MYO7B: variants seen among roughly 807,000 people sequenced by gnomAD.
The protein encoded by MYO7B is myosin VIIB.
MYO7B carries 212 observed loss-of-function variants against 259.7 expected under a neutral mutation model. That is an observed-to-expected ratio of 0.82 (90% confidence interval 0.73 to 0.91). MYO7B has a LOEUF of 0.91. MYO7B is among the 40% of genes least tolerant of loss of function. The pLI is 0.00. For missense variants in MYO7B, 2,732 were observed against 2,813.5 expected, an observed-to-expected ratio of 0.97 and a Z score of 0.66; for synonymous variants, 1,197 against 1,166.4, an observed-to-expected ratio of 1.03 and a Z score of -0.54.
intron 1 of MYO7B, among the ~76,000 whole-genome samples, chr2:127,549,557 C>T (rs1300620256): frequency 2.0e-5 from 3 of 152,180 alleles, no homozygotes; most frequent in Non-Finnish European, 4.4e-5. Flanking sequence ...GAATAGAAGA[C>T]TCGGTGTTTC....
In MYO7B at chr2:127,628,454, G is replaced by A. The variant is rs964241897; in HGVS notation, c.4543G>A (p.Ala1515Thr). ...TGTGTCACCCAGCAGTGTGGCCATC[G>A]CTGAGCTGGTGGCCCTGTTCCTGGA... is the stretch of plus-strand genomic sequence containing the variant. Reference protein sequence around the residue: ...EFVSPSSVAIAELVALFLEGL... With the variant: ...EFVSPSSVAITELVALFLEGL... The change falls in exon 34 of 48, where the codon GCT (alanine) becomes ACT (threonine). Residue 1515 changes from alanine (A) to threonine (T), a missense_variant. By Grantham distance (58) the Ala-to-Thr change is moderately conservative. Around this residue, in one of 3 missense-constraint regions of MYO7B, gnomAD observed 1,906 missense variants for 2,026.4 expected, o/e 0.94. Transcript: ENST00000409816. The surrounding 1 kb of genome is among the most constrained non-coding windows in gnomAD (Gnocchi z 4.8). 9 of 1,580,134 alleles carry A rather than the reference G, an allele frequency of 5.7e-6. No individual in the cohort carries two copies. Among genetic ancestry groups the A allele is most frequent in the Non-Finnish European group, 7.7e-6 (9 of 1,164,290 alleles).
chr2:127,631,433 C>T (rs894091517), intron 37 of MYO7B, 70 bp downstream of exon 37: 30 of 1,563,048 alleles, frequency 1.9e-5, no homozygotes, highest in Non-Finnish European at 2.5e-5. Context: ...CATCCTGGCC[C>T]TACAGCTGTG....
chr2:127,608,700 G>T lies in MYO7B; in HGVS notation c.2644-8G>T. On this transcript the variant is annotated splice_polypyrimidine_tract_variant and splice_region_variant and intron_variant, in intron 21 of 47. Coordinates refer to ENST00000409816, the MANE Select transcript of MYO7B (RefSeq NM_001393586.1). ...CCCCTGGGTAACCTTCCTCCACGGG[G>T]TATGCAGGCGCCGCTGGTCATCCCG... is the stretch of plus-strand genomic sequence containing the variant. The T allele has an allele frequency of 6.2e-7, 1 of 1,608,942 alleles. No homozygotes were observed. The highest frequency in any genetic ancestry group is 8.5e-7 in the Non-Finnish European group (1 of 1,177,012).
At chr2:127,550,095 A>T (rs2104817002) in intron 1 of MYO7B, among the ~76,000 whole-genome samples, 1 of 152,326 alleles carries the variant, frequency 6.6e-6, no homozygotes. Flanking sequence ...ACATCCCAGA[A>T]AAAGCTGTGA....
chr2:127,552,994 C>T (rs1693506879), intron 1 of MYO7B, among the ~76,000 whole-genome samples: 1 of 151,738 alleles, frequency 6.6e-6, no homozygotes, highest in Non-Finnish European at 1.5e-5. Context: ...CATTTCTCAG[C>T]ATTTCTCAGT....
chr2:127,619,994 G>A lies in MYO7B; in HGVS notation c.3399-346G>A, dbSNP rs184177760. Reference sequence around the variant, plus strand: ...CCTCAAGGCAGAGAGAGAAATGACTGTAATCACCGTGAGACTGGGGATCCC... The same window carrying A: ...CCTCAAGGCAGAGAGAGAAATGACTATAATCACCGTGAGACTGGGGATCCC... On this transcript the variant is annotated intron_variant, in intron 26 of 47. Transcript: ENST00000409816. The A allele has an allele frequency of 2.5e-3, 431 of 174,642 alleles. 2 individuals carry two copies. The highest frequency in any genetic ancestry group is 3.5e-3 in the Non-Finnish European group (287 of 82,882). The allele number at this position is 174,642 out of a possible 1,614,324, so 10.8% of individuals were successfully genotyped here. A position where few individuals can be genotyped will look rare whatever the true frequency, so the allele number is the denominator to read the frequency against.
chr2:127,582,260 T>C (rs752814384), intron 11 of MYO7B, 44 bp from the exon 12 acceptor site: 2 of 1,605,672 alleles, frequency 1.2e-6, no homozygotes, highest in East Asian at 4.5e-5. Context: ...AACCTCCGCC[T>C]GAGCCTCCAA....
chr2:127,564,257 C>A lies in MYO7B; in HGVS notation c.123C>A (p.Asp41Glu). Residue 41 changes from aspartate (D) to glutamate (E), a missense_variant, in exon 3 of 48, where the codon GAC (aspartate) becomes GAA (glutamate). Around this residue, in one of 3 missense-constraint regions of MYO7B, gnomAD observed 1,906 missense variants for 2,026.4 expected, o/e 0.94. Transcript: ENST00000409816. ...CAGGCAAAGTCTTGGTTGAAGATGA[C>A]GAGGGCAAGGTCAGTGTTCTGGGGT... ...AKPGKVLVED[D>E]EGKEHWIRAE... is the part of the protein sequence containing the mutation. 1 of 1,570,294 alleles carries A rather than the reference C, an allele frequency of 6.4e-7. No homozygotes were observed. The highest frequency in any genetic ancestry group is 1.3e-5 in the African/African-American group (1 of 74,154).
chr2:127,636,775 C>G lies in MYO7B; in HGVS notation c.6208-19C>G. On this transcript the variant is annotated intron_variant, in intron 46 of 47. Transcript: ENST00000409816. The surrounding 1 kb of genome is among the most constrained non-coding windows in gnomAD (Gnocchi z 4.5). ...CGTGCTCTGGAGGCGTCCGGCCCACCCACCCTCTCTGCCCCCAGGACCTGC... is the reference window on the plus strand; with the variant it reads ...CGTGCTCTGGAGGCGTCCGGCCCACGCACCCTCTCTGCCCCCAGGACCTGC... The G allele has an allele frequency of 1.2e-6, 2 of 1,612,928 alleles. No individual in the cohort carries two copies. The highest frequency in any genetic ancestry group is 1.7e-6 in the Non-Finnish European group (2 of 1,179,656).
intron 4 of MYO7B, among the ~76,000 whole-genome samples, chr2:127,566,152 T>C (rs140254038): frequency 7.9e-4 from 120 of 152,342 alleles, no homozygotes; most frequent in African/African-American, 2.7e-3. Flanking sequence ...TGTGGCTTAT[T>C]GTGCAGGCTC....
At position 127,623,287 on chromosome 2, in the gene MYO7B, C is replaced by T. The variant is rs1298758268; in HGVS notation, c.3731C>T (p.Thr1244Ile). The T allele has an allele frequency of 5.6e-6, 9 of 1,613,346 alleles. No homozygotes were observed. In the African/African-American group the frequency reaches 1.1e-4, roughly 19 times the overall value. Reference protein sequence around the residue: ...SLTVPVDSASTSREMCMHIAH... With the variant: ...SLTVPVDSASISREMCMHIAH... The stretch of plus-strand genomic sequence containing the variant: ...ACCGTCCCCGTGGACTCAGCCTCCA[C>T]ATCTCGGGAAATGTGCATGCACATC... Residue 1244 changes from threonine to isoleucine, a missense_variant, in exon 29 of 48, where the codon ACA becomes ATA. Around this residue, in one of 3 missense-constraint regions of MYO7B, gnomAD observed 1,906 missense variants for 2,026.4 expected, o/e 0.94. Transcript: ENST00000409816.
intron 15 of MYO7B, among the ~76,000 whole-genome samples, 199 bp from the exon 16 acceptor site, chr2:127,589,893 T>C (rs1039384534): frequency 7.1e-5 from 8 of 112,738 alleles, no homozygotes; most frequent in African/African-American, 2.5e-4. Flanking sequence ...GATAGGTGTG[T>C]GAGTGGATGG....
At chr2:127,617,487 G>GGTTT (rs1680614627) in intron 26 of MYO7B, among the ~76,000 whole-genome samples, 2 of 84,828 alleles carry the variant, frequency 2.4e-5, no homozygotes, top group African/African-American at 5.2e-5. Context: ...TTGTAACGGG[G>GGTTT]TTTTTTTTTT....
At chr2:127,625,956 T>C (rs1681088146) in intron 31 of MYO7B, 1 of 178,160 alleles carries the variant, frequency 5.6e-6, no homozygotes, top group Non-Finnish European at 1.2e-5. Flanking sequence ...TGTATGGACA[T>C]TCTAAACATT....
chr2:127,539,672 C>T lies in MYO7B; in HGVS notation c.-24+3841C>T, dbSNP rs1573597635. ...GAATGAATAAGGACTTCCTTGAGGG[C>T]TATTTCTTTTAAAAAAAAAAACTCC... is the stretch of plus-strand genomic sequence containing the variant. On this transcript the variant is annotated intron_variant, in intron 1 of 47. Transcript: ENST00000409816. This position sits in a 1 kb window ranked among gnomAD's most constrained non-coding sequence, Gnocchi z 4.0. 6.9e-6 allele frequency among the ~76,000 whole-genome samples: 1 copy of T among 144,064 alleles called. No individual in the cohort carries two copies. Among genetic ancestry groups the T allele is most frequent in the East Asian group, 2.0e-4 (1 of 4,934 alleles). The allele number at this position is 144,064 out of a possible 152,430, so 94.5% of individuals were successfully genotyped here. A position where few individuals can be genotyped will look rare whatever the true frequency, so the allele number is the denominator to read the frequency against.
chr2:127,591,494 C>T (rs1280907424), intron 16 of MYO7B, among the ~76,000 whole-genome samples: 1 of 152,212 alleles, frequency 6.6e-6, no homozygotes, highest in Non-Finnish European at 1.5e-5. Context: ...TGCCTCAGCA[C>T]CTCATCTTTA....
chr2:127,633,461 G>A, intron 40 of MYO7B, 98 bp downstream of exon 40: 3 of 1,231,722 alleles, frequency 2.4e-6, no homozygotes, highest in South Asian at 2.7e-5. Flanking sequence ...TAACCCCAGA[G>A]AGCCTTTTCT....
intron 6 of MYO7B, among the ~76,000 whole-genome samples, chr2:127,570,862 G>A (rs947711066): frequency 6.6e-6 from 1 of 151,840 alleles, no homozygotes; most frequent in Non-Finnish European, 1.5e-5. Flanking sequence ...AGGGTTTGTA[G>A]CCTTTTGTGT....
In MYO7B at chr2:127,565,304, C is replaced by G. The variant is rs764867138; in HGVS notation, c.204C>G (p.Asp68Glu). ...ACCCCAACTCAGTCCAGGGTGTGGA[C>G]GACATGATCCGCCTGGGGGACCTGA... ...PMHPNSVQGV[D>E]DMIRLGDLNE... is the part of the protein sequence containing the mutation. Residue 68 changes from aspartate (D) to glutamate (E), a missense_variant, in exon 4 of 48, where the codon GAC (aspartate) becomes GAG (glutamate). This residue lies in a region of MYO7B where 1,906 missense variants were observed against 2,026.4 expected (regional missense o/e 0.94). Coordinates refer to ENST00000409816, the MANE Select transcript of MYO7B (RefSeq NM_001393586.1). 2 of 1,614,010 alleles carry G rather than the reference C, an allele frequency of 1.2e-6. No individual in the cohort carries two copies. The highest frequency in any genetic ancestry group is 1.7e-6 in the Non-Finnish European group (2 of 1,179,880).
Sources: allele counts gnomAD v4.1 joint callset (sites outside exome capture counted in the v4.1 genomes callset), GRCh38; gene constraint gnomAD v4.1.1; regional missense constraint gnomAD v4.1.1; non-coding constraint Gnocchi (gnomAD v3.1); transcripts MANE v1.5; gene names NCBI Gene and HGNC (gene_info 2026-07-23, HGNC 2026-07-21).